The following EXOC1 variants were observed in gnomAD, a reference collection of about 807,000 sequenced individuals.
EXOC1 encodes exocyst complex component 1.
Under a neutral mutation model 107.7 loss-of-function variants are expected in EXOC1, and 67 were observed. The ratio of observed to expected loss-of-function variants is 0.62; its 90% CI spans 0.51 to 0.76. The LOEUF (loss-of-function observed/expected upper bound fraction) is 0.76, where lower values mean the gene tolerates loss of function less well. EXOC1 is among the 30% of genes least tolerant of loss of function. The pLI is 0.00. For missense variants in EXOC1, 833 were observed against 1,055.7 expected, an observed-to-expected ratio of 0.79 and a Z score of 2.92; for synonymous variants, 348 against 353.5, an observed-to-expected ratio of 0.98 and a Z score of 0.17.
intron 7 of EXOC1, 68 bp from the exon 8 acceptor site, chr4:55,871,781 T>C: frequency 2.9e-6 from 4 of 1,396,374 alleles, no homozygotes; most frequent in East Asian, 2.3e-5. Context: ...ATACGTTTAA[T>C]GTTCCATTAA....
intron 8 of EXOC1, chr4:55,876,074 T>C (rs1437593750): frequency 1.0e-6 from 1 of 984,874 alleles, no homozygotes; most frequent in Non-Finnish European, 1.2e-6. Flanking sequence ...TATATTGACC[T>C]TTGGCAACAT....
At chr4:55,858,635 C>G (rs1361913573) in intron 2 of EXOC1, among the ~76,000 whole-genome samples, 188 bp downstream of exon 2, 2 of 152,134 alleles carry the variant, frequency 1.3e-5, no homozygotes, top group Non-Finnish European at 1.5e-5. Flanking sequence ...GAAATAGTAT[C>G]TCATTGTGGT....
chr4:55,862,476 A>C (rs1338723121), intron 3 of EXOC1, among the ~76,000 whole-genome samples: 1 of 152,202 alleles, frequency 6.6e-6, no homozygotes, highest in Non-Finnish European at 1.5e-5. Context: ...TTATGGTATT[A>C]TGGGAAATAT....
chr4:55,859,735 C>CTTTTT (rs1721304307), intron 2 of EXOC1, among the ~76,000 whole-genome samples: 1 of 152,142 alleles, frequency 6.6e-6, no homozygotes. Context: ...GTTTCTTACA[C>CTTTTT]TTTTTTAAAA....
intron 1 of EXOC1, among the ~76,000 whole-genome samples, chr4:55,854,485 A>G (rs1720772115): frequency 6.6e-6 from 1 of 152,176 alleles, no homozygotes; most frequent in Non-Finnish European, 1.5e-5. Context: ...ACTGACTTTC[A>G]GAAAAGTACC....
intron 5 of EXOC1, 94 bp from the exon 6 acceptor site, chr4:55,870,584 C>A: frequency 8.2e-7 from 1 of 1,216,890 alleles, no homozygotes; most frequent in Admixed American, 2.1e-5. Flanking sequence ...AATTTAGCAA[C>A]ATTTCACCTT....
intron 5 of EXOC1, among the ~76,000 whole-genome samples, chr4:55,870,150 C>T (rs1002462069): frequency 2.0e-5 from 3 of 152,194 alleles, no homozygotes; most frequent in African/African-American, 7.2e-5. Context: ...TAGTTCCCAT[C>T]ATACTACAGT....
chr4:55,899,195 TC>T (rs779486923), intron 16 of EXOC1, among the ~76,000 whole-genome samples: 9 of 152,264 alleles, frequency 5.9e-5, no homozygotes, highest in East Asian at 1.9e-4. Context: ...TATTTATCTT[TC>T]CCCTTAACAG....
chr4:55,878,174 C>A, intron 9 of EXOC1, 108 bp downstream of exon 9: 1 of 1,261,476 alleles, frequency 7.9e-7, no homozygotes, highest in African/African-American at 1.5e-5. Flanking sequence ...ACATTCTTAG[C>A]AAAGCAGAAA....
intron 17 of EXOC1, chr4:55,902,105 T>C (rs1726015339): frequency 6.9e-6 from 2 of 288,100 alleles, no homozygotes; most frequent in South Asian, 1.7e-4. Flanking sequence ...AAATGTAAAG[T>C]GGGACATGAA....
At position 55,902,278 on chromosome 4, in the gene EXOC1, G is replaced by T. The variant is rs1374692873; in HGVS notation, c.2338-66G>T. 3.2e-6 allele frequency: 4 copies of T among 1,256,006 alleles called. No individual in the cohort carries two copies. The African/African-American group carries it at 6.2e-5, about 20-fold the overall frequency. The allele number at this position is 1,256,006 out of a possible 1,614,324, so 77.8% of individuals were successfully genotyped here. On this transcript the variant is annotated intron_variant, in intron 17 of 18. Coordinates refer to ENST00000381295, the MANE Select transcript of EXOC1 (RefSeq NM_001024924.2). Reference sequence around the variant, plus strand: ...GTGATTATACACTACTTTGTAATCAGATTTTTTTAATGTAAATAATAATAA... The same window carrying T: ...GTGATTATACACTACTTTGTAATCATATTTTTTTAATGTAAATAATAATAA...
chr4:55,878,281 A>G (rs1002322488), intron 9 of EXOC1, among the ~76,000 whole-genome samples: 5 of 152,198 alleles, frequency 3.3e-5, no homozygotes, highest in Non-Finnish European at 7.3e-5. Context: ...ATATTAAGCC[A>G]TACTGTAGCC....
Position 55,903,177 on chromosome 4 carries a change from G to T in EXOC1, c.2532+639G>T, listed in dbSNP as rs993287132. Among the ~76,000 whole-genome samples the T allele has an allele frequency of 2.8e-5, 4 of 145,002 alleles. No individual in the cohort carries two copies. In the East Asian group the frequency reaches 7.9e-4, roughly 29 times the overall value. On this transcript the variant is annotated intron_variant, in intron 18 of 18. Transcript: ENST00000381295. ...AAAAAAAAAAAAAGAAAGAAAGAAAGAAAAAGAAAGAAAGAGAAAGAAAGA... is the reference window on the plus strand; with the variant it reads ...AAAAAAAAAAAAAGAAAGAAAGAAATAAAAAGAAAGAAAGAGAAAGAAAGA...
chr4:55,854,552 C>T (rs1430535039), intron 1 of EXOC1, among the ~76,000 whole-genome samples: 2 of 152,190 alleles, frequency 1.3e-5, no homozygotes, highest in Admixed American at 1.3e-4. Flanking sequence ...ATAGAAACAC[C>T]CGGCTTCAGG....
chr4:55,875,050 T>C (rs529349424), intron 8 of EXOC1, among the ~76,000 whole-genome samples: 197 of 152,310 alleles, frequency 1.3e-3, no homozygotes, highest in Non-Finnish European at 2.2e-3. Context: ...AGACTGATTA[T>C]GTACATAACT....
chr4:55,882,106 T>C (rs1723445909), intron 9 of EXOC1, among the ~76,000 whole-genome samples: 1 of 151,696 alleles, frequency 6.6e-6, no homozygotes, highest in South Asian at 2.1e-4. Context: ...GTTTTTGTTG[T>C]TGTTGTTGTT....
rs186915150 is a variant in EXOC1 at position 55,882,034 on chromosome 4, G to A, written c.1225-1789G>A. On this transcript the variant is annotated intron_variant, in intron 9 of 18. Transcript: ENST00000381295. ...GAAGGAAAAAAAAATCAGAGAGCCA[G>A]TAGAGAAGATGGTGAACTAGCATTC... Among the ~76,000 whole-genome samples, 569 of 152,316 alleles carry A rather than the reference G, an allele frequency of 3.7e-3. 6 individuals carry two copies. Among genetic ancestry groups the A allele is most frequent in the African/African-American group, 0.013 (551 of 41,586 alleles).
chr4:55,858,396 A>G lies in EXOC1; in HGVS notation c.73A>G (p.Asn25Asp). The G allele has an allele frequency of 1.2e-6, 2 of 1,610,606 alleles. No individual in the cohort carries two copies. The highest frequency in any genetic ancestry group is 1.7e-6 in the Non-Finnish European group (2 of 1,178,492). The change falls in exon 2 of 19, where the codon AAT becomes GAT. Residue 25 changes from asparagine (N) to aspartate (D), a missense_variant. Asn to Asp is a conservative substitution (Grantham distance 23). Transcript: ENST00000381295. ...PNDERLLSIV[N>D]VCKAGKKKKN... ...TGATGAACGCCTGCTGAGCATTGTG[A>G]ATGTCTGCAAAGCAGGAAAAAAGAA...
Position 55,890,231 on chromosome 4 carries a change from G to A in EXOC1, c.1384G>A (p.Gly462Arg). The change falls in exon 12 of 19, where the codon GGA (glycine) becomes AGA (arginine). Residue 462 changes from glycine to arginine, a missense_variant. Transcript: ENST00000381295. ...GTTTTATTATTTCTTAGGTCTTCAT[G>A]GAAGTTCGGGGAAATTAACTGGATC... ...AVKQETESLH[G>R]SSGKLTGSTS... is the part of the protein sequence containing the mutation. 1 of 1,613,802 alleles carries A rather than the reference G, an allele frequency of 6.2e-7. No individual in the cohort carries two copies.
Sources: gnomAD v4.1 joint callset for allele counts (sites outside exome capture counted in the v4.1 genomes callset) on GRCh38, gnomAD v4.1.1 for gene constraint, MANE v1.5 for transcripts, NCBI Gene and HGNC (gene_info 2026-07-23, HGNC 2026-07-21) for gene names.